Variants in RSBN1L observed in about 807,000 individuals in gnomAD.
RSBN1L encodes lysine-specific demethylase RSBN1L.
In RSBN1L, 30 loss-of-function variants were observed where a neutral mutation model predicts 67.7. That is an observed-to-expected ratio of 0.44 (90% CI 0.33 to 0.60). RSBN1L has a LOEUF of 0.60. RSBN1L is among the 20% of genes least tolerant of loss of function. The pLI is 0.02. For missense variants in RSBN1L, 992 were observed against 1,031.7 expected (o/e 0.96, Z 0.53); for synonymous variants, 433 against 387.0 (o/e 1.12, Z -1.39).
chr7:77,704,992 T>TGC (rs35606184), intron 1 of RSBN1L, among the ~76,000 whole-genome samples: 3 of 31,108 alleles, frequency 9.6e-5, no homozygotes, highest in African/African-American at 1.3e-3. Flanking sequence ...AAAAAAAAGT[T>TGC]GTGTGTGTGT....
At chr7:77,739,849 A>G (rs1050588022) in intron 2 of RSBN1L, among the ~76,000 whole-genome samples, 6 of 122,922 alleles carry the variant, frequency 4.9e-5, no homozygotes, top group African/African-American at 1.9e-4. Flanking sequence ...TCCTGGGTTC[A>G]AGCAGTTTTC....
At chr7:77,700,863 C>T (rs929111482) in intron 1 of RSBN1L, among the ~76,000 whole-genome samples, 8 of 152,088 alleles carry the variant, frequency 5.3e-5, no homozygotes, top group African/African-American at 1.7e-4. Context: ...TTCCTGTAGA[C>T]ATCCCTTCTG....
chr7:77,748,628 G>A (rs1791514309), intron 2 of RSBN1L, among the ~76,000 whole-genome samples: 1 of 152,104 alleles, frequency 6.6e-6, no homozygotes, highest in Admixed American at 6.5e-5. Context: ...GGGATTACAG[G>A]TGCTCACCAC....
intron 3 of RSBN1L, among the ~76,000 whole-genome samples, chr7:77,755,188 C>T: frequency 6.6e-6 from 1 of 152,126 alleles, no homozygotes; most frequent in Non-Finnish European, 1.5e-5. Context: ...ATATAAACCA[C>T]AGCAAAAACA....
At chr7:77,725,499 G>A (rs1009128422) in intron 1 of RSBN1L, among the ~76,000 whole-genome samples, 1 of 150,670 alleles carries the variant, frequency 6.6e-6, no homozygotes, top group Non-Finnish European at 1.5e-5. Context: ...CACCTGCCTC[G>A]GCCTCCCATA....
chr7:77,710,751 A>G (rs1380669477), intron 1 of RSBN1L, among the ~76,000 whole-genome samples: 1 of 151,866 alleles, frequency 6.6e-6, no homozygotes, highest in Non-Finnish European at 1.5e-5. Flanking sequence ...GCCTGCCATC[A>G]TGCCTGGCTA....
At position 77,768,667 on chromosome 7, in the gene RSBN1L, C is replaced by G; in HGVS notation, c.1489C>G (p.Leu497Val). Residue 497 changes from leucine to valine, a missense_variant, in exon 5 of 8, where the codon CTG (leucine) becomes GTG (valine). Transcript: ENST00000334955. ...LEESPFLKCT[L>V]PWGTLSSLKL... The stretch of plus-strand genomic sequence containing the variant: ...CATAATTATTTATCTCCAGTGTACA[C>G]TGCCATGGGGGACGCTATCTAGTCT... The G allele has an allele frequency of 1.9e-6, 3 of 1,613,294 alleles. No individual in the cohort carries two copies. Among genetic ancestry groups the G allele is most frequent in the South Asian group, 2.2e-5 (2 of 91,056 alleles).
At chr7:77,722,173 G>T (rs572676646) in intron 1 of RSBN1L, among the ~76,000 whole-genome samples, 1 of 152,238 alleles carries the variant, frequency 6.6e-6, no homozygotes, top group East Asian at 1.9e-4. Context: ...TTAGAAAGAT[G>T]ATATTTTGGT....
At chr7:77,775,380 C>A (rs756101204) in intron 6 of RSBN1L, among the ~76,000 whole-genome samples, 1 of 152,026 alleles carries the variant, frequency 6.6e-6, no homozygotes, top group African/African-American at 2.4e-5. Context: ...CCTAAAAATA[C>A]AAAAATTAGC....
Position 77,779,070 on chromosome 7 carries a change from G to C in RSBN1L, c.2443G>C (p.Glu815Gln). 6.2e-7 allele frequency: 1 copy of C among 1,613,666 alleles called. No individual in the cohort carries two copies. The highest frequency in any genetic ancestry group is 1.7e-4 in the Middle Eastern group (1 of 6,060). Residue 815 changes from glutamate (E) to glutamine (Q), a missense_variant, in exon 8 of 8, where the codon GAA becomes CAA. Around this residue, in one of 7 missense-constraint regions of RSBN1L, gnomAD observed 199 missense variants for 167.7 expected, o/e 1.19. Coordinates refer to ENST00000334955, the MANE Select transcript of RSBN1L (RefSeq NM_198467.3). ...TGAAAATAGCAACAAAGATTTAAAG[G>C]AAGAATTGTGCCCTGGAAATCTAAG... ...KFENSNKDLK[E>Q]ELCPGNLSLV...
chr7:77,730,036 A>G (rs1350568197), intron 1 of RSBN1L, among the ~76,000 whole-genome samples: 1 of 152,168 alleles, frequency 6.6e-6, no homozygotes, highest in Non-Finnish European at 1.5e-5. Flanking sequence ...TATATGTTTA[A>G]AAAGTGTGTG....
chr7:77,702,456 G>T (rs1365416541), intron 1 of RSBN1L, among the ~76,000 whole-genome samples: 2 of 151,836 alleles, frequency 1.3e-5, no homozygotes, highest in Non-Finnish European at 2.9e-5. Context: ...GTTTGTTTTG[G>T]TTGCTTTCTT....
chr7:77,712,882 G>C (rs6966632), intron 1 of RSBN1L, among the ~76,000 whole-genome samples: 1 of 151,918 alleles, frequency 6.6e-6, no homozygotes, highest in Non-Finnish European at 1.5e-5. Flanking sequence ...ATTATAGGGG[G>C]TAAGGGGAAA....
intron 2 of RSBN1L, among the ~76,000 whole-genome samples, chr7:77,743,836 AT>A (rs201962177): frequency 1.3e-5 from 2 of 151,404 alleles, no homozygotes; most frequent in Non-Finnish European, 2.9e-5. Context: ...TCTTTCCCTG[AT>A]TTTTTTTGAT....
intron 5 of RSBN1L, among the ~76,000 whole-genome samples, chr7:77,771,228 C>T (rs118123118): frequency 0.019 from 2,863 of 152,252 alleles, 41 homozygotes; most frequent in Middle Eastern, 0.071. Context: ...CCACTGTGCC[C>T]GTCCTGATTA....
Position 77,779,125 on chromosome 7 carries a change from C to A in RSBN1L, c.2498C>A (p.Ala833Glu), listed in dbSNP as rs758979620. ...GTTGATACAAGGCAACACAGTTCAG[C>A]ACATTCAAATCAAGATAAAAAAGAC... ...SLVDTRQHSS[A>E]HSNQDKKDDD... Residue 833 changes from alanine to glutamate, a missense_variant, in exon 8 of 8, where the codon GCA becomes GAA. This residue lies in a region of RSBN1L where 199 missense variants were observed against 167.7 expected (regional missense o/e 1.19). Transcript: ENST00000334955. 6.2e-7 allele frequency: 1 copy of A among 1,603,808 alleles called. No individual in the cohort carries two copies. The highest frequency in any genetic ancestry group is 8.5e-7 in the Non-Finnish European group (1 of 1,176,344).
rs1395589588 is a variant in RSBN1L at position 77,780,176 on chromosome 7, T to C, written c.*1008T>C. The C allele has an allele frequency of 6.6e-6, 1 of 152,124 alleles. No individual in the cohort carries two copies. The highest frequency in any genetic ancestry group is 2.4e-5 in the African/African-American group (1 of 41,422). 9.4% of individuals were successfully genotyped at this position (152,124 alleles called of 1,614,324 possible). On this transcript the variant is annotated 3_prime_UTR_variant, in exon 8 of 8. Transcript: ENST00000334955. ...CAAGACTCAGTTAAGAAAGTGTGCA[T>C]CTGCGTGTGTGTGAATGTGTATATA...
intron 4 of RSBN1L, among the ~76,000 whole-genome samples, chr7:77,766,539 C>G (rs1365758137): frequency 1.3e-5 from 2 of 151,088 alleles, no homozygotes; most frequent in Admixed American, 6.6e-5. Context: ...TTTTTTAAAG[C>G]CTCTTGATTT....
At chr7:77,753,818 T>C (rs556657328) in intron 3 of RSBN1L, among the ~76,000 whole-genome samples, 28 of 152,360 alleles carry the variant, frequency 1.8e-4, no homozygotes, top group African/African-American at 6.7e-4. Flanking sequence ...TCATCTGGAA[T>C]TGATCTTTGT....
Sources: gnomAD v4.1 joint callset for allele counts (sites outside exome capture counted in the v4.1 genomes callset) on GRCh38, gnomAD v4.1.1 for gene constraint, gnomAD v4.1.1 regional missense constraint, MANE v1.5 for transcripts, NCBI Gene and HGNC (gene_info 2026-07-23, HGNC 2026-07-21) for gene names.